PITPNA: variants seen among roughly 807,000 people sequenced by gnomAD.
PITPNA encodes phosphatidylinositol transfer protein alpha isoform.
PITPNA carries 13 observed loss-of-function variants against 50.3 expected under a neutral mutation model. That is an observed-to-expected ratio of 0.26 (90% confidence interval 0.17 to 0.41). The LOEUF is 0.41. Ranked by LOEUF, PITPNA falls within the 10% of genes least tolerant of loss-of-function variation. The probability of loss-of-function intolerance (pLI) is 1.00; values close to 1 mark genes in which losing one functional copy is unlikely to be tolerated. For missense variants in PITPNA, 207 were observed against 333.4 expected (o/e 0.62, Z 2.95); for synonymous variants, 120 against 119.6 (o/e 1.00, Z -0.02).
Position 1,548,399 on chromosome 17 carries a change from A to T in PITPNA, c.198-12T>A, listed in dbSNP as rs755391588. 1 of 1,547,218 alleles carries T rather than the reference A, an allele frequency of 6.5e-7. No individual in the cohort carries two copies. Among genetic ancestry groups the T allele is most frequent in the East Asian group, 2.3e-5 (1 of 43,042 alleles). ...ACGTGGGTACTTTGCTATAGCGGGG[A>T]AAAAAAGGGGTATAAAGAGAAATGG... On this transcript the variant is annotated splice_polypyrimidine_tract_variant and intron_variant, in intron 3 of 11. Coordinates refer to ENST00000313486, the MANE Select transcript of PITPNA (RefSeq NM_006224.4).
intron 10 of PITPNA, among the ~76,000 whole-genome samples, chr17:1,530,798 G>A (rs2075577142): frequency 6.6e-6 from 1 of 152,196 alleles, no homozygotes; most frequent in South Asian, 2.1e-4. Context: ...GATGGAAAAA[G>A]GACAGAAGAG....
rs369565589 is a variant in PITPNA at position 1,548,422 on chromosome 17, T to C, written c.198-35A>G. 83 of 1,435,992 alleles carry C rather than the reference T, an allele frequency of 5.8e-5. No homozygotes were observed. The African/African-American group carries it at 9.2e-4, about 16-fold the overall frequency. The allele number at this position is 1,435,992 out of a possible 1,614,324, so 89.0% of individuals were successfully genotyped here. ...GGAAAAAAAGGGGTATAAAGAGAAA[T>C]GGTAGAGAGAAAGGAGACAAGAGGC... On this transcript the variant is annotated intron_variant, in intron 3 of 11. Transcript: ENST00000313486.
rs945970869 is a variant in PITPNA at position 1,527,473 on chromosome 17, C to G, written c.769-5828G>C. The stretch of plus-strand genomic sequence containing the variant: ...ACTCAGGCTGTCTCAAACTCCCAAG[C>G]TCAGGTGATCCACCCGCCTCGGCCT... On this transcript the variant is annotated intron_variant, in intron 10 of 11. Coordinates refer to ENST00000313486, the MANE Select transcript of PITPNA (RefSeq NM_006224.4). Among the ~76,000 whole-genome samples, 5 of 152,256 alleles carry G rather than the reference C, an allele frequency of 3.3e-5. No homozygotes were observed. In the East Asian group the frequency reaches 9.7e-4, roughly 29 times the overall value.
rs913358951 is a variant in PITPNA, at chr17:1,520,319, T to C, written c.*242A>G. ...CGGAGGCGCTGTAACTACAGCAACC[T>C]ACACGCCACGTATCTCGGAGGAGCA... On this transcript the variant is annotated 3_prime_UTR_variant, in exon 12 of 12. Transcript: ENST00000313486. The C allele has an allele frequency of 6.6e-6, 1 of 151,948 alleles. No individual in the cohort carries two copies. The highest frequency in any genetic ancestry group is 1.5e-5 in the Non-Finnish European group (1 of 67,886). The allele number at this position is 151,948 out of a possible 1,614,324, so 9.4% of individuals were successfully genotyped here.
At chr17:1,557,198 C>G (rs1040336361) in intron 2 of PITPNA, among the ~76,000 whole-genome samples, 5 of 152,154 alleles carry the variant, frequency 3.3e-5, no homozygotes, top group Non-Finnish European at 7.4e-5. Context: ...TGGCCCCCTC[C>G]CCAGGTCCCC....
chr17:1,553,853 T>C (rs2075721929), intron 2 of PITPNA, among the ~76,000 whole-genome samples: 1 of 152,202 alleles, frequency 6.6e-6, no homozygotes, highest in Admixed American at 6.5e-5. Context: ...TTTCAGGCAA[T>C]GAAACCTCTT....
At chr17:1,559,956 A>G (rs2075759692) in intron 1 of PITPNA, among the ~76,000 whole-genome samples, 1 of 152,224 alleles carries the variant, frequency 6.6e-6, no homozygotes, top group Admixed American at 6.5e-5. Flanking sequence ...TGGAGGCCAG[A>G]ATTTCTGCAC....
chr17:1,539,552 G>A (rs867156153), intron 6 of PITPNA, among the ~76,000 whole-genome samples: 2 of 150,978 alleles, frequency 1.3e-5, no homozygotes, highest in Admixed American at 6.6e-5. Context: ...AGCTGGGCCC[G>A]AGTGATCCTC....
chr17:1,548,252 G>T, intron 4 of PITPNA, 44 bp downstream of exon 4: 1 of 1,348,686 alleles, frequency 7.4e-7, no homozygotes, highest in Non-Finnish European at 1.0e-6. Flanking sequence ...CCACAGCTCT[G>T]CTGCCCGCCC....
intron 1 of PITPNA, among the ~76,000 whole-genome samples, chr17:1,560,158 C>G (rs2075760641): frequency 6.6e-6 from 1 of 152,206 alleles, no homozygotes; most frequent in Non-Finnish European, 1.5e-5. Context: ...TGCCATGGGC[C>G]AATTCCTGAC....
Position 1,543,044 on chromosome 17 carries a change from A to C in PITPNA, c.290-17T>G. The C allele has an allele frequency of 6.3e-7, 1 of 1,576,992 alleles. No individual in the cohort carries two copies. The highest frequency in any genetic ancestry group is 1.1e-5 in the South Asian group (1 of 88,572). On this transcript the variant is annotated splice_polypyrimidine_tract_variant and intron_variant, in intron 4 of 11. Transcript: ENST00000313486. Reference sequence around the variant, plus strand: ...CTGTAATAACTGCTCCGAGGCAAGGACATGGAAAGAAGAGAGAAAAAGATT... The same window carrying C: ...CTGTAATAACTGCTCCGAGGCAAGGCCATGGAAAGAAGAGAGAAAAAGATT...
Position 1,517,754 on chromosome 17 carries a change from A to G in PITPNA, c.*2807T>C, listed in dbSNP as rs2075472498. The G allele has an allele frequency of 6.6e-6, 1 of 152,194 alleles. No homozygotes were observed. Among genetic ancestry groups the G allele is most frequent in the South Asian group, 2.1e-4 (1 of 4,828 alleles). The allele number at this position is 152,194 out of a possible 1,614,324, so 9.4% of individuals were successfully genotyped here. Reference sequence around the variant, plus strand: ...AGGAAGATGTGAAGAGGAGGCAGACAAAAGCAAAAGGACATCCTGTCAGTA... The same window carrying G: ...AGGAAGATGTGAAGAGGAGGCAGACGAAAGCAAAAGGACATCCTGTCAGTA... On this transcript the variant is annotated 3_prime_UTR_variant, in exon 12 of 12. Transcript: ENST00000313486.
intron 4 of PITPNA, among the ~76,000 whole-genome samples, chr17:1,544,709 G>A (rs1251224484): frequency 2.0e-5 from 3 of 152,224 alleles, no homozygotes; most frequent in African/African-American, 4.8e-5. Flanking sequence ...AGGCCAAGGC[G>A]GGCGGATCAC....
At chr17:1,561,323 A>C (rs1053675008) in intron 1 of PITPNA, 16 of 152,274 alleles carry the variant, frequency 1.1e-4, no homozygotes, top group African/African-American at 3.9e-4. Context: ...AACTCCTTCC[A>C]GAAGTCACCA....
Position 1,560,788 on chromosome 17 carries a change from G to A in PITPNA, c.20+1753C>T, listed in dbSNP as rs189645261. ...CTTCCTCCTCACCAGGAAAAGCTCCGAGCCCTGGCTGAATTAACATCAGAC... is the reference window on the plus strand; with the variant it reads ...CTTCCTCCTCACCAGGAAAAGCTCCAAGCCCTGGCTGAATTAACATCAGAC... On this transcript the variant is annotated intron_variant, in intron 1 of 11. Coordinates refer to ENST00000313486, the MANE Select transcript of PITPNA (RefSeq NM_006224.4). Among the ~76,000 whole-genome samples, 51 of 152,296 alleles carry A rather than the reference G, an allele frequency of 3.3e-4. 1 individual carries two copies. The highest frequency in any genetic ancestry group is 2.6e-3 in the Admixed American group (40 of 15,296).
chr17:1,559,727 G>A (rs1466840336), intron 1 of PITPNA: 7 of 979,566 alleles, frequency 7.1e-6, no homozygotes, highest in Non-Finnish European at 8.5e-6. Context: ...AAGCAAGAAG[G>A]ACACAGAGGG....
chr17:1,555,906 A>T (rs1266010119), intron 2 of PITPNA, among the ~76,000 whole-genome samples: 1 of 152,250 alleles, frequency 6.6e-6, no homozygotes, highest in Non-Finnish European at 1.5e-5. Context: ...CTGGCCACCC[A>T]GAAGCTAATT....
chr17:1,536,173 A>G (rs1397751727), intron 7 of PITPNA, among the ~76,000 whole-genome samples: 1 of 152,188 alleles, frequency 6.6e-6, no homozygotes, highest in Admixed American at 6.5e-5. Context: ...GTCCCTCTAC[A>G]TTGACTAATG....
intron 7 of PITPNA, among the ~76,000 whole-genome samples, chr17:1,537,388 G>A (rs528246637): frequency 9.6e-4 from 146 of 151,928 alleles, no homozygotes; most frequent in Non-Finnish European, 1.7e-3. Flanking sequence ...TAGTAGAGAC[G>A]GGGTTTCACC....
Sources: gnomAD v4.1 joint callset for allele counts (sites outside exome capture counted in the v4.1 genomes callset) on GRCh38, gnomAD v4.1.1 for gene constraint, MANE v1.5 for transcripts, NCBI Gene and HGNC (gene_info 2026-07-23, HGNC 2026-07-21) for gene names.